Variants in TLE4 observed in about 807,000 individuals in gnomAD.
TLE4 encodes the protein TLE family member 4, transcriptional corepressor, also known as transducin-like enhancer protein 4.
In TLE4, 8 loss-of-function variants were observed where a neutral mutation model predicts 92.8. The ratio of observed to expected loss-of-function variants is 0.09; its 90% CI spans 0.05 to 0.16. The LOEUF is 0.16. Among genes scored for constraint, TLE4 ranks in the 10% least tolerant of loss-of-function variants. The pLI is 1.00. For missense variants in TLE4, 675 were observed against 997.6 expected, an observed-to-expected ratio of 0.68 and a Z score of 4.36; for synonymous variants, 371 against 374.1, an observed-to-expected ratio of 0.99 and a Z score of 0.10.
chr9:79,632,468 C>T (rs1319645207), intron 6 of TLE4, among the ~76,000 whole-genome samples: 1 of 152,182 alleles, frequency 6.6e-6, no homozygotes, highest in African/African-American at 2.4e-5. Flanking sequence ...TCTCCCTCCA[C>T]TTTCCCGGCA....
At chr9:79,579,911 C>T (rs1311855121) in intron 4 of TLE4, 1 of 152,118 alleles carries the variant, frequency 6.6e-6, no homozygotes, top group Non-Finnish European at 1.5e-5. Context: ...GTAATAACTA[C>T]AAGGAGGGAA....
chr9:79,585,096 G>C lies in TLE4; in HGVS notation c.252+8919G>C, dbSNP rs140615244. On this transcript the variant is annotated intron_variant, in intron 4 of 19. Transcript: ENST00000376552. ...AATGCAAGGTTTTAGTTCTTTTCAA[G>C]GGACAAGGAATTTTGAAAATGTCTT... 3.8e-3 allele frequency among the ~76,000 whole-genome samples: 576 copies of C among 152,258 alleles called. 5 individuals carry two copies. Among genetic ancestry groups the C allele is most frequent in the African/African-American group, 0.013 (532 of 41,542 alleles).
At chr9:79,651,927 A>T (rs986784847) in intron 6 of TLE4, among the ~76,000 whole-genome samples, 1 of 152,188 alleles carries the variant, frequency 6.6e-6, no homozygotes, top group Non-Finnish European at 1.5e-5. Flanking sequence ...TTAGAAATGT[A>T]TGATAGCGAG....
At chr9:79,683,099 C>A (rs2065072893) in intron 8 of TLE4, among the ~76,000 whole-genome samples, 1 of 152,208 alleles carries the variant, frequency 6.6e-6, no homozygotes, top group Non-Finnish European at 1.5e-5. Context: ...ATGTGGGTTG[C>A]AGAGCCTAAA....
intron 8 of TLE4, among the ~76,000 whole-genome samples, chr9:79,704,186 T>C (rs2070831093): frequency 6.6e-6 from 1 of 152,156 alleles, no homozygotes; most frequent in Non-Finnish European, 1.5e-5. Flanking sequence ...CCATCTTGGC[T>C]CACTGCAGCA....
chr9:79,649,269 CAT>C (rs1321203181), intron 6 of TLE4, among the ~76,000 whole-genome samples: 86 of 76,606 alleles, frequency 1.1e-3, no homozygotes, highest in Admixed American at 4.9e-3. Context: ...GACATACATA[CAT>C]ACACACACAC....
chr9:79,715,450 C>G (rs1433280574), intron 14 of TLE4, among the ~76,000 whole-genome samples: 1 of 152,040 alleles, frequency 6.6e-6, no homozygotes, highest in Non-Finnish European at 1.5e-5. Flanking sequence ...CTCCTGAGAT[C>G]ATCCCTTCAC....
At chr9:79,693,616 G>T (rs769716105) in intron 8 of TLE4, 2 of 516,148 alleles carry the variant, frequency 3.9e-6, no homozygotes, top group Non-Finnish European at 7.7e-6. Flanking sequence ...CATGCCACAC[G>T]TGTGCATGCA....
chr9:79,696,391 G>A (rs1228871619), intron 8 of TLE4, among the ~76,000 whole-genome samples: 2 of 152,092 alleles, frequency 1.3e-5, no homozygotes, highest in East Asian at 3.8e-4. Flanking sequence ...TCAGTTAAGC[G>A]ATAATTGAAA....
chr9:79,597,058 G>A (rs2044213192), intron 4 of TLE4, among the ~76,000 whole-genome samples: 1 of 152,130 alleles, frequency 6.6e-6, no homozygotes, highest in South Asian at 2.1e-4. Context: ...ATGGTAGGAA[G>A]CACCATATCA....
rs7033368 is a variant in TLE4, at chr9:79,708,064, G to A, written c.937-54G>A. ...TTTCTTTACCTTTTTACTGTTTAACGTCATTGTTAAAACCATGTTCTAATT... is the reference window on the plus strand; with the variant it reads ...TTTCTTTACCTTTTTACTGTTTAACATCATTGTTAAAACCATGTTCTAATT... On this transcript the variant is annotated intron_variant, in intron 11 of 19. Transcript: ENST00000376552. 1,061 of 1,565,642 alleles carry A rather than the reference G, an allele frequency of 6.8e-4. 9 individuals carry two copies. The African/African-American group carries it at 0.012, about 18-fold the overall frequency.
intron 6 of TLE4, among the ~76,000 whole-genome samples, chr9:79,629,615 A>G (rs554170320): frequency 1.3e-5 from 2 of 152,346 alleles, no homozygotes; most frequent in African/African-American, 4.8e-5. Context: ...ATATAGTTGG[A>G]TATAGTTGGA....
rs542822173 is a variant in TLE4, at chr9:79,586,380, G to T, written c.252+10203G>T. Reference sequence around the variant, plus strand: ...CTGTCACAAAAAAAAAAAAAGAAAAGAAAATTGTGTGACTTCTGAAATTGT... The same window carrying T: ...CTGTCACAAAAAAAAAAAAAGAAAATAAAATTGTGTGACTTCTGAAATTGT... On this transcript the variant is annotated intron_variant, in intron 4 of 19. Transcript: ENST00000376552. Among the ~76,000 whole-genome samples the T allele has an allele frequency of 7.9e-4, 120 of 151,416 alleles. 1 individual carries two copies. The highest frequency in any genetic ancestry group is 2.7e-3 in the African/African-American group (111 of 41,256).
At chr9:79,663,056 G>A (rs1345728660) in intron 8 of TLE4, among the ~76,000 whole-genome samples, 1 of 127,340 alleles carries the variant, frequency 7.9e-6, no homozygotes, top group Non-Finnish European at 1.7e-5. Context: ...GGGTGGGGGT[G>A]GGGGTGGGGG....
intron 8 of TLE4, among the ~76,000 whole-genome samples, chr9:79,685,209 C>G (rs1477588921): frequency 6.6e-6 from 1 of 152,074 alleles, no homozygotes; most frequent in East Asian, 1.9e-4. Context: ...GGTTCTAAAC[C>G]CATATAAGAA....
At chr9:79,593,235 G>A (rs2043130908) in intron 4 of TLE4, among the ~76,000 whole-genome samples, 1 of 152,038 alleles carries the variant, frequency 6.6e-6, no homozygotes, top group Non-Finnish European at 1.5e-5. Context: ...ATGTGGTTTT[G>A]CTGTCTGTCA....
chr9:79,609,100 T>G (rs1261862940), intron 4 of TLE4, among the ~76,000 whole-genome samples: 2 of 152,148 alleles, frequency 1.3e-5, no homozygotes, highest in African/African-American at 2.4e-5. Flanking sequence ...GAGTTACAGC[T>G]TTCTTTTCAA....
chr9:79,668,172 TAATG>T (rs2061706941), intron 8 of TLE4, among the ~76,000 whole-genome samples: 5 of 152,352 alleles, frequency 3.3e-5, no homozygotes, highest in Admixed American at 3.3e-4. Context: ...ACATTGTTGT[TAATG>T]AAAGCAGCCC....
chr9:79,724,882 G>C (rs1196110167), intron 19 of TLE4, among the ~76,000 whole-genome samples, 155 bp from the exon 20 acceptor site: 2 of 23,606 alleles, frequency 8.5e-5, no homozygotes, highest in Non-Finnish European at 2.3e-4. Flanking sequence ...AAAAAAAAAA[G>C]CAGCAGTACT....
Sources: gnomAD v4.1 joint callset for allele counts (sites outside exome capture counted in the v4.1 genomes callset) on GRCh38, gnomAD v4.1.1 for gene constraint, MANE v1.5 for transcripts, NCBI Gene and HGNC (gene_info 2026-07-23, HGNC 2026-07-21) for gene names.